Variants in PRKN observed in about 807,000 individuals in gnomAD.
The protein encoded by PRKN is E3 ubiquitin-protein ligase parkin.
A neutral mutation model predicts 59.5 loss-of-function variants in PRKN; 56 were observed. That is an observed-to-expected ratio of 0.94 (90% CI 0.76 to 1.18). The LOEUF (loss-of-function observed/expected upper bound fraction) is 1.18. PRKN is among the 50% of genes most tolerant of loss of function. The pLI, the probability that PRKN is intolerant of heterozygous loss-of-function variation, is 0.00. For missense variants in PRKN, 657 were observed against 596.4 expected (o/e 1.10, Z -1.06); for synonymous variants, 250 against 222.1 (o/e 1.13, Z -1.12).
intron 5 of PRKN, among the ~76,000 whole-genome samples, chr6:162,024,498 A>T (rs936273298): frequency 2.6e-5 from 4 of 152,108 alleles, no homozygotes; most frequent in Admixed American, 2.6e-4. Context: ...CGCCCAGCCC[A>T]CTTATTTCTA....
intron 1 of PRKN, among the ~76,000 whole-genome samples, chr6:162,671,456 G>A (rs949772588): frequency 5.4e-5 from 8 of 147,624 alleles, no homozygotes; most frequent in East Asian, 2.0e-4. Flanking sequence ...CCGAGATTGC[G>A]CCACTGCACT....
rs547285178 is a variant in PRKN, at chr6:162,568,120, C to A, written c.8-124647G>T. Among the ~76,000 whole-genome samples, 24 of 152,198 alleles carry A rather than the reference C, an allele frequency of 1.6e-4. No individual in the cohort carries two copies. In the South Asian group the frequency reaches 5.0e-3, roughly 32 times the overall value. The stretch of plus-strand genomic sequence containing the variant: ...CCATATATAAAAATCAAAGCAAAAT[C>A]GATTTAAAAATTAAATAGAAAACCT... On this transcript the variant is annotated intron_variant, in intron 1 of 11. Coordinates refer to ENST00000366898, the MANE Select transcript of PRKN (RefSeq NM_004562.3).
chr6:162,063,562 T>G (rs1778194556), intron 4 of PRKN, among the ~76,000 whole-genome samples: 1 of 152,142 alleles, frequency 6.6e-6, no homozygotes, highest in African/African-American at 2.4e-5. Context: ...TTTTTTTTTT[T>G]GATACAGAGT....
intron 1 of PRKN, among the ~76,000 whole-genome samples, chr6:162,513,584 C>T (rs1389445779): frequency 2.0e-5 from 3 of 151,936 alleles, no homozygotes; most frequent in African/African-American, 4.8e-5. Flanking sequence ...ATACCATGGG[C>T]GGGAAGCCAA....
chr6:162,685,627 G>A (rs1462291663), intron 1 of PRKN, among the ~76,000 whole-genome samples: 2 of 152,086 alleles, frequency 1.3e-5, no homozygotes, highest in Non-Finnish European at 2.9e-5. Context: ...CCAGAAAGAA[G>A]AAAAGCCAAG....
chr6:161,454,601 C>T lies in PRKN; in HGVS notation c.1084-67724G>A, dbSNP rs531809142. Among the ~76,000 whole-genome samples, 1 of 152,142 alleles carries T rather than the reference C, an allele frequency of 6.6e-6. No individual in the cohort carries two copies. Among genetic ancestry groups the T allele is most frequent in the South Asian group, 2.1e-4 (1 of 4,808 alleles). ...GAAACTGTTAGTTCTTGGAGCAAGCCCAAGTTTATTTTGGGGGAACTTTGC... is the reference window on the plus strand; with the variant it reads ...GAAACTGTTAGTTCTTGGAGCAAGCTCAAGTTTATTTTGGGGGAACTTTGC... On this transcript the variant is annotated intron_variant, in intron 9 of 11. Transcript: ENST00000366898. The surrounding 1 kb of genome is among the most constrained non-coding windows in gnomAD (Gnocchi z 4.6).
chr6:161,598,075 A>G (rs997908199), intron 7 of PRKN, among the ~76,000 whole-genome samples: 9 of 152,224 alleles, frequency 5.9e-5, no homozygotes, highest in African/African-American at 2.2e-4. Flanking sequence ...CTTGAGGAAA[A>G]TAACATTGTC....
At chr6:162,345,777 C>T (rs1784376547) in intron 2 of PRKN, among the ~76,000 whole-genome samples, 1 of 152,182 alleles carries the variant, frequency 6.6e-6, no homozygotes, top group Admixed American at 6.5e-5. Flanking sequence ...TTTGTAGTCA[C>T]ATTAGCTATG....
At chr6:162,493,954 C>G (rs9346917) in intron 1 of PRKN, among the ~76,000 whole-genome samples, 1 of 151,996 alleles carries the variant, frequency 6.6e-6, no homozygotes, top group Non-Finnish European at 1.5e-5. Context: ...ATATCCTCTT[C>G]CCACTCTGCA....
rs904864348 is a variant in PRKN at position 161,361,851 on chromosome 6, G to T, written c.1168-1646C>A. Among the ~76,000 whole-genome samples, 3 of 152,178 alleles carry T rather than the reference G, an allele frequency of 2.0e-5. No homozygotes were observed. The highest frequency in any genetic ancestry group is 7.2e-5 in the African/African-American group (3 of 41,444). ...GGCAGAGGCCCAGTGAGGGCGCTGT[G>T]GTTAGTGAGGGCCATTTCACAACTT... On this transcript the variant is annotated intron_variant, in intron 10 of 11. Coordinates refer to ENST00000366898, the MANE Select transcript of PRKN (RefSeq NM_004562.3). This position sits in a 1 kb window ranked among gnomAD's most constrained non-coding sequence, Gnocchi z 5.2.
At chr6:162,537,374 G>A (rs1446113724) in intron 1 of PRKN, among the ~76,000 whole-genome samples, 2 of 152,098 alleles carry the variant, frequency 1.3e-5, no homozygotes, top group African/African-American at 4.8e-5. Context: ...CCGCTTCTTT[G>A]CTCAGGCCCA....
At position 161,676,131 on chromosome 6, in the gene PRKN, C is replaced by T. The variant is rs538911932; in HGVS notation, c.872-106715G>A. Among the ~76,000 whole-genome samples, 398 of 152,374 alleles carry T rather than the reference C, an allele frequency of 2.6e-3. 1 individual carries two copies. The highest frequency in any genetic ancestry group is 4.7e-3 in the Non-Finnish European group (318 of 68,038). ...CCAGGATCTTCCAAGCCTGCAGCCC[C>T]TGGCTGCACTCTGGTGCCACTAGAA... On this transcript the variant is annotated intron_variant, in intron 7 of 11. Transcript: ENST00000366898.
rs558918986 is a variant in PRKN at position 161,759,259 on chromosome 6, C to A, written c.871+26513G>T. ...CCTTCAAGTTGTGTAATCAGGATGG[C>A]AAGCATTTTAATGTATGAGTTCATG... On this transcript the variant is annotated intron_variant, in intron 7 of 11. Transcript: ENST00000366898. Among the ~76,000 whole-genome samples, 3 of 152,152 alleles carry A rather than the reference C, an allele frequency of 2.0e-5. No homozygotes were observed. In the East Asian group the frequency reaches 5.8e-4, roughly 29 times the overall value.
intron 6 of PRKN, among the ~76,000 whole-genome samples, chr6:161,843,415 T>C (rs1793070727): frequency 6.6e-6 from 1 of 152,242 alleles, no homozygotes; most frequent in Non-Finnish European, 1.5e-5. Flanking sequence ...CTTCCACATT[T>C]GTTCTTATTT....
At chr6:161,756,464 A>C (rs940323961) in intron 7 of PRKN, among the ~76,000 whole-genome samples, 4 of 151,106 alleles carry the variant, frequency 2.6e-5, no homozygotes, top group Non-Finnish European at 2.9e-5. Context: ...AAAAAAAAAA[A>C]AAAAAACACT....
At chr6:162,043,237 C>G (rs1302419288) in intron 5 of PRKN, among the ~76,000 whole-genome samples, 1 of 152,098 alleles carries the variant, frequency 6.6e-6, no homozygotes, top group Non-Finnish European at 1.5e-5. Context: ...TTTTGGGAGA[C>G]ACAATTCAAG....
intron 5 of PRKN, among the ~76,000 whole-genome samples, chr6:162,010,204 T>C (rs921422401): frequency 8.7e-5 from 12 of 137,584 alleles, no homozygotes; most frequent in African/African-American, 3.0e-4. Context: ...AAATTTCTGA[T>C]ATATATATTA....
At chr6:161,703,434 C>G (rs1786336588) in intron 7 of PRKN, among the ~76,000 whole-genome samples, 1 of 152,198 alleles carries the variant, frequency 6.6e-6, no homozygotes, top group African/African-American at 2.4e-5. Context: ...GACCAGGTAT[C>G]ACTACATGCC....
In PRKN at chr6:161,409,547, A is replaced by G. The variant is rs1787429778; in HGVS notation, c.1084-22670T>C. Among the ~76,000 whole-genome samples the G allele has an allele frequency of 6.6e-6, 1 of 152,190 alleles. No individual in the cohort carries two copies. The highest frequency in any genetic ancestry group is 1.5e-5 in the Non-Finnish European group (1 of 68,044). On this transcript the variant is annotated intron_variant, in intron 9 of 11. Transcript: ENST00000366898. This position sits in a 1 kb window ranked among gnomAD's most constrained non-coding sequence, Gnocchi z 4.6. ...GACAGCACCTCTCAGTTCAAAGGAA[A>G]GTGGTGTGCTTGCTGGATATTTTTA...
Sources: allele counts gnomAD v4.1 joint callset (sites outside exome capture counted in the v4.1 genomes callset), GRCh38; gene constraint gnomAD v4.1.1; non-coding constraint Gnocchi (gnomAD v3.1); transcripts MANE v1.5; gene names NCBI Gene and HGNC (gene_info 2026-07-23, HGNC 2026-07-21).